Variants in ALK observed in about 807,000 individuals in gnomAD.
ALK encodes the protein ALK tyrosine kinase receptor.
Under a neutral mutation model 163.1 loss-of-function variants are expected in ALK, and 74 were observed. That is an observed-to-expected ratio of 0.45 (90% CI 0.38 to 0.55). The LOEUF is 0.55. ALK is among the 20% of genes least tolerant of loss of function. The pLI, the probability that ALK is intolerant of heterozygous loss-of-function variation, is 0.00. For synonymous variants in ALK, 960 were observed against 843.2 expected, an observed-to-expected ratio of 1.14 and a Z score of -2.40; for missense variants, 2,063 against 2,105.3, an observed-to-expected ratio of 0.98 and a Z score of 0.39.
chr2:29,305,891 T>A (rs568812115), intron 8 of ALK, among the ~76,000 whole-genome samples: 1 of 152,210 alleles, frequency 6.6e-6, no homozygotes, highest in Non-Finnish European at 1.5e-5. Flanking sequence ...CTCACCATAA[T>A]GTCAGATCAG....
At chr2:29,235,398 C>T (rs913546586) in intron 13 of ALK, among the ~76,000 whole-genome samples, 1 of 151,928 alleles carries the variant, frequency 6.6e-6, no homozygotes, top group Non-Finnish European at 1.5e-5. Context: ...GATAAATAGC[C>T]GAGATGCAGT....
At chr2:29,872,641 T>C (rs922495315) in intron 1 of ALK, among the ~76,000 whole-genome samples, 4 of 152,326 alleles carry the variant, frequency 2.6e-5, no homozygotes, top group African/African-American at 4.8e-5. Flanking sequence ...CTGCATATCA[T>C]TGGCCCAGGA....
At chr2:29,342,588 A>G (rs1055919228) in intron 5 of ALK, among the ~76,000 whole-genome samples, 16 of 152,224 alleles carry the variant, frequency 1.1e-4, no homozygotes, top group African/African-American at 3.9e-4. Context: ...GGTAAATTTT[A>G]TGTTATATTT....
rs143356421 is a variant in ALK, at chr2:29,614,610, G to A, written c.952+80240C>T. Among the ~76,000 whole-genome samples the A allele has an allele frequency of 5.2e-3, 786 of 152,328 alleles. 8 individuals carry two copies. Among genetic ancestry groups the A allele is most frequent in the African/African-American group, 0.017 (692 of 41,580 alleles). ...CCCCACTAAGCCCCATGCTTGGGCA[G>A]GGCCTCCACGAGCCCAATTTCAGCA... On this transcript the variant is annotated intron_variant, in intron 3 of 28. Transcript: ENST00000389048.
At position 29,904,310 on chromosome 2, in the gene ALK, T is replaced by C. The variant is rs552432258; in HGVS notation, c.667+15683A>G. Reference sequence around the variant, plus strand: ...TTAGGCAATGCATAATGGGACAGGATTGGTTTTCTGGTAACTTTCACTCTT... The same window carrying C: ...TTAGGCAATGCATAATGGGACAGGACTGGTTTTCTGGTAACTTTCACTCTT... On this transcript the variant is annotated intron_variant, in intron 1 of 28. Coordinates refer to ENST00000389048, the MANE Select transcript of ALK (RefSeq NM_004304.5). Among the ~76,000 whole-genome samples, 3 of 152,306 alleles carry C rather than the reference T, an allele frequency of 2.0e-5. No homozygotes were observed. In the South Asian group the frequency reaches 6.2e-4, roughly 32 times the overall value.
At chr2:29,724,098 CTATGCATGT>C (rs1679498319) in intron 1 of ALK, among the ~76,000 whole-genome samples, 2 of 152,134 alleles carry the variant, frequency 1.3e-5, no homozygotes, top group Admixed American at 1.3e-4. Context: ...TAATGAAGAG[CTATGCATGT>C]GTGATGGTTA....
intron 9 of ALK, among the ~76,000 whole-genome samples, chr2:29,289,048 T>C (rs1307697157): frequency 6.6e-6 from 1 of 152,114 alleles, no homozygotes; most frequent in Non-Finnish European, 1.5e-5. Context: ...CTTAGTTGTG[T>C]GCCTCTGGAC....
chr2:29,248,698 T>C (rs1321118524), intron 12 of ALK, among the ~76,000 whole-genome samples: 1 of 152,228 alleles, frequency 6.6e-6, no homozygotes, highest in East Asian at 1.9e-4. Context: ...GCTGGGATTC[T>C]ATGAATGCAC....
At chr2:29,567,658 C>T (rs1464736997) in intron 3 of ALK, among the ~76,000 whole-genome samples, 1 of 152,102 alleles carries the variant, frequency 6.6e-6, no homozygotes, top group African/African-American at 2.4e-5. Flanking sequence ...CACAGACTCC[C>T]CGAAACCATT....
chr2:29,531,567 T>C (rs55692031), intron 4 of ALK, among the ~76,000 whole-genome samples: 18,944 of 152,238 alleles, frequency 0.12, 1,436 homozygotes, highest in Non-Finnish European at 0.18. Context: ...GTTTCTACCA[T>C]ATTAAATTAC....
At chr2:29,748,628 C>T (rs1050164438) in intron 1 of ALK, among the ~76,000 whole-genome samples, 1 of 152,180 alleles carries the variant, frequency 6.6e-6, no homozygotes, top group African/African-American at 2.4e-5. Flanking sequence ...GGTCACCAAC[C>T]TCAAAGGTTT....
intron 1 of ALK, among the ~76,000 whole-genome samples, chr2:29,855,837 T>C (rs1014889023): frequency 1.3e-5 from 2 of 152,228 alleles, no homozygotes; most frequent in African/African-American, 4.8e-5. Flanking sequence ...TTCAATTATT[T>C]AGTTGTTTAT....
Position 29,314,896 on chromosome 2 carries a change from A to G in ALK, c.1647+3408T>C, listed in dbSNP as rs944692376. ...GTGCTCTTTATTACCAGCGGCTGCA[A>G]TGCCAGACACATCCGCGGGTGTCTC... On this transcript the variant is annotated intron_variant, in intron 8 of 28. Coordinates refer to ENST00000389048, the MANE Select transcript of ALK (RefSeq NM_004304.5). Among the ~76,000 whole-genome samples the G allele has an allele frequency of 2.3e-4, 35 of 152,236 alleles. 1 individual carries two copies. The highest frequency in any genetic ancestry group is 7.7e-4 in the African/African-American group (32 of 41,532).
chr2:29,209,704 A>G (rs2148154721), intron 25 of ALK, 82 bp downstream of exon 25: 2 of 1,003,788 alleles, frequency 2.0e-6, no homozygotes, highest in South Asian at 1.3e-5. Context: ...GAGATGATGT[A>G]AGGGACAAGC....
intron 24 of ALK, among the ~76,000 whole-genome samples, chr2:29,212,081 A>G (rs192559515): frequency 3.4e-4 from 52 of 152,336 alleles, no homozygotes; most frequent in African/African-American, 1.2e-3. Flanking sequence ...GAGAATCTGT[A>G]TGCTATGGTG....
At chr2:29,859,110 CTTTGA>C (rs1429676000) in intron 1 of ALK, among the ~76,000 whole-genome samples, 1 of 152,138 alleles carries the variant, frequency 6.6e-6, no homozygotes, top group Non-Finnish European at 1.5e-5. Flanking sequence ...GAAACGGCCA[CTTTGA>C]TTTAACAACT....
At chr2:29,320,968 A>G (rs1293889613) in intron 6 of ALK, 86 bp from the exon 7 acceptor site, 1 of 1,530,860 alleles carries the variant, frequency 6.5e-7, no homozygotes, top group Non-Finnish European at 9.0e-7. Flanking sequence ...GCCAGGCATG[A>G]CCAAATTATC....
At chr2:29,894,721 C>G (rs1483712930) in intron 1 of ALK, among the ~76,000 whole-genome samples, 1 of 151,860 alleles carries the variant, frequency 6.6e-6, no homozygotes, top group African/African-American at 2.4e-5. Flanking sequence ...TCTAAAGCAC[C>G]TTTTTGAATG....
intron 23 of ALK, among the ~76,000 whole-genome samples, chr2:29,218,548 TTGAGAGAGGGAGAGAGAAAGGGGGAGG>T (rs933294282): frequency 6.6e-6 from 1 of 152,052 alleles, no homozygotes; most frequent in African/African-American, 2.4e-5. Context: ...GCCTTTGTCT[TTGAGAGAGGGAGAGAGAAAGGGGGAGG>T]GGAGAGAGGG....
Sources: gnomAD v4.1 joint callset for allele counts (sites outside exome capture counted in the v4.1 genomes callset) on GRCh38, gnomAD v4.1.1 for gene constraint, MANE v1.5 for transcripts, NCBI Gene and HGNC (gene_info 2026-07-23, HGNC 2026-07-21) for gene names.